Variants in LLGL2 observed in about 807,000 individuals in gnomAD.
LLGL2 encodes LLGL2, scribble cell polarity complex component.
Under a neutral mutation model 123.2 loss-of-function variants are expected in LLGL2, and 81 were observed. That is an observed-to-expected ratio of 0.66 (90% confidence interval 0.55 to 0.79). The LOEUF is 0.79. Among genes scored for constraint, LLGL2 ranks in the 30% least tolerant of loss-of-function variants. The pLI is 0.00. For synonymous variants in LLGL2, 577 were observed against 594.1 expected (o/e 0.97, Z 0.42); for missense variants, 1,273 against 1,414.6 (o/e 0.90, Z 1.61).
At chr17:75,526,418 C>T (rs760648749) in intron 1 of LLGL2, among the ~76,000 whole-genome samples, 1 of 152,220 alleles carries the variant, frequency 6.6e-6, no homozygotes, top group African/African-American at 2.4e-5. Flanking sequence ...CCCAGTCTGC[C>T]CTCCATGCTG....
chr17:75,557,815 A>T (rs116207549), intron 3 of LLGL2: 4,619 of 376,608 alleles, frequency 0.012, 184 homozygotes, highest in African/African-American at 0.089. Context: ...GTGTTTTTTC[A>T]CAGGTGCTAC....
chr17:75,569,184 C>A, intron 13 of LLGL2, 37 bp from the exon 14 acceptor site: 1 of 1,612,134 alleles, frequency 6.2e-7, no homozygotes, highest in South Asian at 1.1e-5. Flanking sequence ...TGGGTCCTGT[C>A]CCCGTGGCTG....
Position 75,571,937 on chromosome 17 carries a change from G to C in LLGL2, c.2333G>C (p.Gly778Ala). ...IQLMHRAPVV[G>A]ILVLDGHSVP... is the part of the protein sequence containing the mutation. ...CTGATGCACCGGGCGCCGGTGGTGGGCATCCTGGTGCTCGACGGACACAGC... is the reference window on the plus strand; with the variant it reads ...CTGATGCACCGGGCGCCGGTGGTGGCCATCCTGGTGCTCGACGGACACAGC... Residue 778 changes from glycine to alanine, a missense_variant, in exon 19 of 26, where the codon GGC becomes GCC. Transcript: ENST00000392550. The C allele has an allele frequency of 6.2e-7, 1 of 1,612,518 alleles. No individual in the cohort carries two copies.
rs1344310203 is a variant in LLGL2 at position 75,556,133 on chromosome 17, G to A, written c.163G>A (p.Ala55Thr). ...RILAIGTRSG[A>T]IKLYGAPGVE... ...CCTGGCCATCGGCACCCGTTCTGGA[G>A]CCATCAAGCTGTATCCTCCGTCCCC... The change falls in exon 3 of 26, where the codon GCC becomes ACC. Residue 55 changes from alanine (A) to threonine (T), a missense_variant. Physicochemically the swap from Ala to Thr is moderately conservative, Grantham distance 58 (BLOSUM62 0). Transcript: ENST00000392550. 6.2e-7 allele frequency: 1 copy of A among 1,609,840 alleles called. No individual in the cohort carries two copies. The highest frequency in any genetic ancestry group is 1.3e-5 in the African/African-American group (1 of 74,932).
At chr17:75,553,793 TG>T in intron 2 of LLGL2, among the ~76,000 whole-genome samples, 1 of 152,160 alleles carries the variant, frequency 6.6e-6, no homozygotes, top group East Asian at 1.9e-4. Flanking sequence ...AAATTTGTAG[TG>T]GGTTTATGTT....
chr17:75,530,150 T>G (rs1368949112), intron 1 of LLGL2, among the ~76,000 whole-genome samples: 1 of 152,100 alleles, frequency 6.6e-6, no homozygotes, highest in Non-Finnish European at 1.5e-5. Flanking sequence ...AAGTGCCTGA[T>G]GGGTTTAGGG....
At chr17:75,538,745 T>A (rs2054098736) in intron 1 of LLGL2, 1 of 152,026 alleles carries the variant, frequency 6.6e-6, no homozygotes, top group East Asian at 1.9e-4. Flanking sequence ...AGATTGCAGC[T>A]TCAGGTCGGG....
intron 2 of LLGL2, among the ~76,000 whole-genome samples, chr17:75,551,092 AT>A (rs529967151): frequency 2.3e-4 from 35 of 152,276 alleles, no homozygotes; most frequent in African/African-American, 8.2e-4. Flanking sequence ...GAGACAGGTC[AT>A]TTACACATGA....
chr17:75,525,351 G>A (rs946275743), upstream of LLGL2, among the ~76,000 whole-genome samples: 1 of 152,094 alleles, frequency 6.6e-6, no homozygotes, highest in Admixed American at 6.5e-5. The surrounding 1 kb of genome is among the most constrained non-coding windows in gnomAD (Gnocchi z 4.8). Context: ...GCAGCTCCCG[G>A]GAGTTGGAGG....
chr17:75,552,228 C>A (rs902688559), intron 2 of LLGL2, among the ~76,000 whole-genome samples: 1 of 152,122 alleles, frequency 6.6e-6, no homozygotes, highest in Non-Finnish European at 1.5e-5. Context: ...TACCTGTAAT[C>A]CCAGCACTCT....
rs899101379 is a variant in LLGL2, at chr17:75,555,931, G to A, written c.76-115G>A. On this transcript the variant is annotated intron_variant, in intron 2 of 25. Coordinates refer to ENST00000392550, the MANE Select transcript of LLGL2 (RefSeq NM_001031803.2). ...AACACTCAGGTGTCTGGGAGGAACC[G>A]GAAAGGTACCGAAGCCCTGCTTCCT... is the stretch of plus-strand genomic sequence containing the variant. 3.8e-5 allele frequency: 28 copies of A among 745,304 alleles called. 1 individual carries two copies. Among genetic ancestry groups the A allele is most frequent in the African/African-American group, 1.2e-4 (7 of 58,292 alleles). 46.2% of individuals were successfully genotyped at this position (745,304 alleles called of 1,614,324 possible).
chr17:75,559,403 C>T lies in LLGL2; in HGVS notation c.523C>T (p.Leu175=), dbSNP rs2055095211. The T allele has an allele frequency of 1.2e-6, 2 of 1,606,902 alleles. No homozygotes were observed. Among genetic ancestry groups the T allele is most frequent in the African/African-American group, 1.3e-5 (1 of 74,768 alleles). ...CCGGACCATCAGCTCGGACGCGGTG[C>T]TGCAGCGGTGAGCCCAGAGCCCAGC... ...EDRTISSDAV[L]QRLPEEARHR... Residue 175 remains leucine, a synonymous_variant, in exon 6 of 26, where the codon CTG becomes TTG. Transcript: ENST00000392550. This position sits in a 1 kb window ranked among gnomAD's most constrained non-coding sequence, Gnocchi z 4.6.
chr17:75,560,180 G>C (rs992849659), intron 6 of LLGL2, among the ~76,000 whole-genome samples: 1 of 152,226 alleles, frequency 6.6e-6, no homozygotes, highest in African/African-American at 2.4e-5. Context: ...CCAGGGCAGG[G>C]CATGACTGGG....
chr17:75,573,913 G>C, intron 21 of LLGL2, 39 bp from the exon 22 acceptor site: 1 of 1,549,852 alleles, frequency 6.5e-7, no homozygotes, highest in Non-Finnish European at 8.7e-7. Context: ...CGGGCAGGGA[G>C]CCCGGGGGCC....
In LLGL2 at chr17:75,570,022, C is replaced by T. The variant is rs532394871; in HGVS notation, c.1641C>T (p.Ala547=). 3.5e-5 allele frequency: 56 copies of T among 1,611,806 alleles called. No homozygotes were observed. Among genetic ancestry groups the T allele is most frequent in the South Asian group, 1.9e-4 (17 of 90,958 alleles). Residue 547 remains alanine (A), a synonymous_variant, in exon 15 of 26, where the codon GCC becomes GCT. Coordinates refer to ENST00000392550, the MANE Select transcript of LLGL2 (RefSeq NM_001031803.2). ...AAEQAVEQVE[A]DLLQDQEGYR... is the part of the protein sequence containing the mutation. ...AGCAGGCTGTGGAGCAGGTGGAGGC[C>T]GACCTGCTGCAGGACCAAGAGGGCT...
At chr17:75,574,773 T>C (rs2055898591) in intron 25 of LLGL2, 98 bp from the exon 26 acceptor site, 2 of 1,593,082 alleles carry the variant, frequency 1.3e-6, no homozygotes, top group South Asian at 2.2e-5. Flanking sequence ...ACACGTGCCC[T>C]GATGACCAGG....
intron 6 of LLGL2, 50 bp from the exon 7 acceptor site, chr17:75,562,966 A>G: frequency 1.3e-6 from 2 of 1,598,800 alleles, no homozygotes; most frequent in Non-Finnish European, 1.7e-6. Flanking sequence ...GCTGGGGGCC[A>G]TTCCCCCTGG....
intron 2 of LLGL2, among the ~76,000 whole-genome samples, chr17:75,550,510 C>T (rs1003455772): frequency 4.6e-4 from 70 of 152,178 alleles, no homozygotes; most frequent in African/African-American, 1.6e-3. Context: ...GCAGGCCGGG[C>T]GCGGTGGCTT....
chr17:75,537,443 T>A (rs1222644823), intron 1 of LLGL2, among the ~76,000 whole-genome samples: 1 of 152,064 alleles, frequency 6.6e-6, no homozygotes, highest in African/African-American at 2.4e-5. Flanking sequence ...CCTATAATCC[T>A]AGCACTTTGT....
Sources: allele counts gnomAD v4.1 joint callset (sites outside exome capture counted in the v4.1 genomes callset), GRCh38; gene constraint gnomAD v4.1.1; non-coding constraint Gnocchi (gnomAD v3.1); transcripts MANE v1.5; gene names NCBI Gene and HGNC (gene_info 2026-07-23, HGNC 2026-07-21).